BICD1: variants seen among roughly 807,000 people sequenced by gnomAD.
BICD1 encodes the protein BICD cargo adaptor 1.
In BICD1, 35 loss-of-function variants were observed where a neutral mutation model predicts 92.5. The observed-to-expected ratio is 0.38, with a 90% CI of 0.29 to 0.50. BICD1 has a LOEUF of 0.50. Ranked by LOEUF, BICD1 falls within the 20% of genes least tolerant of loss-of-function variation. The pLI, the probability that BICD1 is intolerant of heterozygous loss-of-function variation, is 0.93. For synonymous variants in BICD1, 429 were observed against 465.1 expected (o/e 0.92, Z 1.00); for missense variants, 950 against 1,189.8 (o/e 0.80, Z 2.97).
chr12:32,314,998 TG>T (rs1948463216), intron 4 of BICD1, among the ~76,000 whole-genome samples: 3 of 152,326 alleles, frequency 2.0e-5, no homozygotes, highest in Admixed American at 2.0e-4. Flanking sequence ...TTTTGTTGTT[TG>T]TGCTTTTGGT....
intron 2 of BICD1, among the ~76,000 whole-genome samples, chr12:32,293,234 G>A (rs1947769562): frequency 2.0e-5 from 3 of 152,110 alleles, no homozygotes; most frequent in Admixed American, 2.0e-4. Context: ...ATCCTAATAT[G>A]CATACTAATC....
chr12:32,291,646 T>C (rs1033208537), intron 2 of BICD1, among the ~76,000 whole-genome samples: 1 of 152,004 alleles, frequency 6.6e-6, no homozygotes, highest in Non-Finnish European at 1.5e-5. Context: ...GAGACCAGCC[T>C]GGGCAACATA....
intron 2 of BICD1, among the ~76,000 whole-genome samples, chr12:32,293,386 C>T (rs1213398799): frequency 5.9e-5 from 9 of 152,034 alleles, no homozygotes; most frequent in Admixed American, 1.3e-4. Flanking sequence ...GGCCTGATCT[C>T]GGCTCACTGC....
intron 8 of BICD1, 87 bp downstream of exon 8, chr12:32,339,066 G>A: frequency 1.4e-6 from 2 of 1,430,792 alleles, no homozygotes; most frequent in Non-Finnish European, 1.8e-6. Flanking sequence ...GGCTCACCCA[G>A]CTGCAGAGTA....
chr12:32,331,679 A>T (rs772123341), intron 5 of BICD1, among the ~76,000 whole-genome samples: 38 of 152,232 alleles, frequency 2.5e-4, no homozygotes, highest in Admixed American at 1.6e-3. Flanking sequence ...TCAGGTGTAG[A>T]ATTTTGTGGC....
chr12:32,335,154 A>T (rs1053697713), intron 6 of BICD1, among the ~76,000 whole-genome samples: 1 of 147,504 alleles, frequency 6.8e-6, no homozygotes, highest in South Asian at 2.2e-4. Flanking sequence ...ATTACTTATA[A>T]TTTTTTTTTT....
Position 32,301,249 on chromosome 12 carries a change from C to CCT in BICD1, c.580-4447_580-4446dup, listed in dbSNP as rs1022709725. Among the ~76,000 whole-genome samples, 11 of 152,230 alleles carry CCT rather than the reference C, an allele frequency of 7.2e-5. 1 individual carries two copies. Among genetic ancestry groups the CCT allele is most frequent in the Admixed American group, 5.9e-4 (9 of 15,280 alleles). On this transcript the variant is annotated intron_variant, in intron 3 of 9. Coordinates refer to ENST00000652176, the MANE Select transcript of BICD1 (RefSeq NM_001714.4). ...GAGATTCCTATAATCAGAGAATGAA[C>CCT]CTTTCATTTCACTACCAGAGATAAA...
chr12:32,365,090 A>G (rs1459266531), intron 8 of BICD1, among the ~76,000 whole-genome samples: 3 of 152,084 alleles, frequency 2.0e-5, no homozygotes, highest in African/African-American at 7.2e-5. Context: ...ACAAACAATT[A>G]GCTGGGCGTG....
chr12:32,138,787 A>G (rs1942812360), intron 1 of BICD1, among the ~76,000 whole-genome samples: 1 of 152,208 alleles, frequency 6.6e-6, no homozygotes, highest in Non-Finnish European at 1.5e-5. Flanking sequence ...TTTTCAAACT[A>G]TGATGGGTTT....
At chr12:32,350,094 C>T (rs1302543010) in intron 8 of BICD1, among the ~76,000 whole-genome samples, 2 of 152,188 alleles carry the variant, frequency 1.3e-5, no homozygotes, top group African/African-American at 4.8e-5. Context: ...TGGGCAGGGG[C>T]AGCCTGAGCT....
chr12:32,139,347 C>T (rs1233978655), intron 1 of BICD1, among the ~76,000 whole-genome samples: 1 of 152,084 alleles, frequency 6.6e-6, no homozygotes, highest in African/African-American at 2.4e-5. Context: ...GGCCTCTCCT[C>T]TAATTTTGTG....
rs775736651 is a variant in BICD1 at position 32,341,060 on chromosome 12, T to G, written c.2764+2081T>G. On this transcript the variant is annotated intron_variant, in intron 8 of 9. Coordinates refer to ENST00000652176, the MANE Select transcript of BICD1 (RefSeq NM_001714.4). Reference sequence around the variant, plus strand: ...AATCTTTCTGCTACTTTATCCACACTGTGCACATCTTACAACTCTAAAGTC... The same window carrying G: ...AATCTTTCTGCTACTTTATCCACACGGTGCACATCTTACAACTCTAAAGTC... 1.6e-3 allele frequency among the ~76,000 whole-genome samples: 242 copies of G among 152,352 alleles called. 2 individuals are homozygous for G. The highest frequency in any genetic ancestry group is 6.8e-3 in the Middle Eastern group (2 of 294).
At chr12:32,211,224 G>A (rs115424639) in intron 1 of BICD1, among the ~76,000 whole-genome samples, 100 of 152,248 alleles carry the variant, frequency 6.6e-4, no homozygotes, top group African/African-American at 2.0e-3. Context: ...AAAACATGAT[G>A]GTTAGTGTCC....
In BICD1 at chr12:32,243,868, T is replaced by A. The variant is rs149817884; in HGVS notation, c.426+27409T>A. On this transcript the variant is annotated intron_variant, in intron 2 of 9. Coordinates refer to ENST00000652176, the MANE Select transcript of BICD1 (RefSeq NM_001714.4). ...TTCAATGTGTTCATCTACATGAGAT[T>A]TAGTTTGATGTGTGGAACAGCAAGA... Among the ~76,000 whole-genome samples, 169 of 152,324 alleles carry A rather than the reference T, an allele frequency of 1.1e-3. 2 individuals carry two copies. The highest frequency in any genetic ancestry group is 3.9e-3 in the African/African-American group (162 of 41,568).
rs200529716 is a variant in BICD1 at position 32,294,136 on chromosome 12, A to C, written c.569A>C (p.Lys190Thr). ...TTGCAGAAACTAGTGTCCACGTTGA[A>C]GCAGAACCAGGTAAGGTTTAAGAAA... ...ITLQKLVSTL[K>T]QNQVEYEGLK... The change falls in exon 3 of 10, where the codon AAG becomes ACG. Residue 190 changes from lysine to threonine, a missense_variant. By Grantham distance (78) the Lys-to-Thr change is moderately conservative. This residue lies in a region of BICD1 where 14 missense variants were observed against 40.0 expected (regional missense o/e 0.35). Coordinates refer to ENST00000652176, the MANE Select transcript of BICD1 (RefSeq NM_001714.4). 3.7e-5 allele frequency: 60 copies of C among 1,600,600 alleles called. No individual in the cohort carries two copies. The highest frequency in any genetic ancestry group is 4.8e-5 in the Non-Finnish European group (57 of 1,176,860).
chr12:32,326,742 G>A (rs965143207), intron 4 of BICD1, among the ~76,000 whole-genome samples: 6 of 152,168 alleles, frequency 3.9e-5, no homozygotes, highest in Non-Finnish European at 8.8e-5. Flanking sequence ...AATTAGCCAG[G>A]TGTGGTGGTG....
In BICD1 at chr12:32,108,585, T is replaced by G. The variant is rs759255553; in HGVS notation, c.213+1041T>G. 1.0e-4 allele frequency: 67 copies of G among 664,444 alleles called. 1 individual carries two copies. The highest frequency in any genetic ancestry group is 1.8e-4 in the Non-Finnish European group (65 of 366,446). 41.2% of individuals were successfully genotyped at this position (664,444 alleles called of 1,614,324 possible). On this transcript the variant is annotated intron_variant, in intron 1 of 9. Transcript: ENST00000652176. ...TTTTAGGTGCATATTGACATTTAAATGTTAATTATTGTTTGGCATATAATA... is the reference window on the plus strand; with the variant it reads ...TTTTAGGTGCATATTGACATTTAAAGGTTAATTATTGTTTGGCATATAATA...
At position 32,294,080 on chromosome 12, in the gene BICD1, C is replaced by A; in HGVS notation, c.513C>A (p.Asp171Glu). The A allele has an allele frequency of 6.2e-7, 1 of 1,612,170 alleles. No individual in the cohort carries two copies. Among genetic ancestry groups the A allele is most frequent in the Non-Finnish European group, 8.5e-7 (1 of 1,179,616 alleles). Residue 171 changes from aspartate to glutamate, a missense_variant, in exon 3 of 10, where the codon GAC (aspartate) becomes GAA (glutamate). Asp to Glu is a conservative substitution (Grantham distance 45). This residue lies in a region of BICD1 where 14 missense variants were observed against 40.0 expected (regional missense o/e 0.35). Coordinates refer to ENST00000652176, the MANE Select transcript of BICD1 (RefSeq NM_001714.4). ...YKFREARLLQ[D>E]YTELEEENIT... ...TCCGGGAGGCACGGCTCCTTCAGGACTATACTGAATTGGAAGAAGAAAATA... is the reference window on the plus strand; with the variant it reads ...TCCGGGAGGCACGGCTCCTTCAGGAATATACTGAATTGGAAGAAGAAAATA...
rs140606498 is a variant in BICD1, at chr12:32,139,168, TG to T, written c.213+31625del. On this transcript the variant is annotated intron_variant, in intron 1 of 9. Transcript: ENST00000652176. ...TCATAATTTAGGGGGCTGTCTGTTT[TG>T]TGTTCTAAGCCACGTGGCTGCTGTG... is the stretch of plus-strand genomic sequence containing the variant. Among the ~76,000 whole-genome samples the T allele has an allele frequency of 3.7e-3, 557 of 152,338 alleles. 8 individuals are homozygous for T. The highest frequency in any genetic ancestry group is 0.013 in the African/African-American group (529 of 41,576).
Sources: gnomAD v4.1 joint callset for allele counts (sites outside exome capture counted in the v4.1 genomes callset) on GRCh38, gnomAD v4.1.1 for gene constraint, gnomAD v4.1.1 regional missense constraint, MANE v1.5 for transcripts, NCBI Gene and HGNC (gene_info 2026-07-23, HGNC 2026-07-21) for gene names.